The following TOMM40 variants were observed in gnomAD, a reference collection of about 807,000 sequenced individuals.
TOMM40 encodes translocase of outer mitochondrial membrane 40.
In TOMM40, 9 loss-of-function variants were observed where a neutral mutation model predicts 38.4. The observed-to-expected ratio is 0.23, with a 90% confidence interval of 0.14 to 0.41. TOMM40 has a LOEUF of 0.41. Among genes scored for constraint, TOMM40 ranks in the 10% least tolerant of loss-of-function variants. The pLI is 1.00. For missense variants in TOMM40, 299 were observed against 486.5 expected (o/e 0.61, Z 3.63); for synonymous variants, 184 against 210.0 (o/e 0.88, Z 1.07).
In TOMM40 at chr19:44,891,410, G is replaced by T. The variant is rs2122734410; in HGVS notation, c.-6G>T. 2 of 1,284,606 alleles carry T rather than the reference G, an allele frequency of 1.6e-6. No homozygotes were observed. The highest frequency in any genetic ancestry group is 3.1e-5 in the African/African-American group (2 of 65,030). The allele number at this position is 1,284,606 out of a possible 1,614,324, so 79.6% of individuals were successfully genotyped here. A position where few individuals can be genotyped will look rare whatever the true frequency, so the allele number is the denominator to read the frequency against. ...TGCCCTCTGACCTCTCCCCTAGCAG[G>T]CGACCATGGGGAACGTGTTGGCTGC... On this transcript the variant is annotated 5_prime_UTR_variant, in exon 1 of 9. Transcript: ENST00000426677.
Position 44,891,411 on chromosome 19 carries a change from C to A in TOMM40, c.-5C>A, listed in dbSNP as rs1234154087. Reference sequence around the variant, plus strand: ...GCCCTCTGACCTCTCCCCTAGCAGGCGACCATGGGGAACGTGTTGGCTGCC... The same window carrying A: ...GCCCTCTGACCTCTCCCCTAGCAGGAGACCATGGGGAACGTGTTGGCTGCC... On this transcript the variant is annotated 5_prime_UTR_variant, in exon 1 of 9. Coordinates refer to ENST00000426677, the MANE Select transcript of TOMM40 (RefSeq NM_001128917.2). 1 of 1,284,972 alleles carries A rather than the reference C, an allele frequency of 7.8e-7. No individual in the cohort carries two copies. 79.6% of individuals were successfully genotyped at this position (1,284,972 alleles called of 1,614,324 possible). A position where few individuals can be genotyped will look rare whatever the true frequency, so the allele number is the denominator to read the frequency against.
intron 1 of TOMM40, 109 bp downstream of exon 1, chr19:44,891,798 GC>G (rs1969472162): frequency 7.0e-6 from 8 of 1,146,824 alleles, no homozygotes; most frequent in Non-Finnish European, 9.1e-6. Context: ...TTATTTAACA[GC>G]ACTAGGAGGT....
chr19:44,901,336 G>C (rs1190283467), intron 8 of TOMM40, 26 bp downstream of exon 8: 2 of 1,603,872 alleles, frequency 1.2e-6, no homozygotes, highest in Admixed American at 3.4e-5. Flanking sequence ...CCCCTACGCG[G>C]GAAACAGGCA....
At chr19:44,902,800 G>T (rs1969706861) in intron 8 of TOMM40, 4 of 495,866 alleles carry the variant, frequency 8.1e-6, no homozygotes, top group Non-Finnish European at 1.4e-5. Flanking sequence ...GGAACCCAGG[G>T]GTCTAGAGGG....
At position 44,891,389 on chromosome 19, in the gene TOMM40, C is replaced by T. The variant is rs1447734268; in HGVS notation, c.-27C>T. On this transcript the variant is annotated 5_prime_UTR_variant, in exon 1 of 9. Coordinates refer to ENST00000426677, the MANE Select transcript of TOMM40 (RefSeq NM_001128917.2). ...GGGCGCGCGGGCCCTGACCTCTGCC[C>T]TCTGACCTCTCCCCTAGCAGGCGAC... 2 of 1,271,962 alleles carry T rather than the reference C, an allele frequency of 1.6e-6. No individual in the cohort carries two copies. Among genetic ancestry groups the T allele is most frequent in the Non-Finnish European group, 2.0e-6 (2 of 1,011,940 alleles). The allele number at this position is 1,271,962 out of a possible 1,614,324, so 78.8% of individuals were successfully genotyped here.
chr19:44,891,443 C>T lies in TOMM40; in HGVS notation c.28C>T (p.Pro10Ser). ...GGGGAACGTGTTGGCTGCCAGCTCG[C>T]CGCCCGCAGGGCCGCCACCGCCGCC... MGNVLAASS[P>S]PAGPPPPPAP... The change falls in exon 1 of 9, where the codon CCG becomes TCG. Residue 10 changes from proline to serine, a missense_variant. Physicochemically the swap from Pro to Ser is moderately conservative, Grantham distance 74. Coordinates refer to ENST00000426677, the MANE Select transcript of TOMM40 (RefSeq NM_001128917.2). 1 of 1,293,972 alleles carries T rather than the reference C, an allele frequency of 7.7e-7. No homozygotes were observed. 80.2% of individuals were successfully genotyped at this position (1,293,972 alleles called of 1,614,324 possible). A position where few individuals can be genotyped will look rare whatever the true frequency, so the allele number is the denominator to read the frequency against.
At position 44,892,473 on chromosome 19, in the gene TOMM40, G is replaced by A. The variant is rs769914447; in HGVS notation, c.342+13G>A. 4 of 1,611,644 alleles carry A rather than the reference G, an allele frequency of 2.5e-6. No individual in the cohort carries two copies. The highest frequency in any genetic ancestry group is 2.2e-4 in the Middle Eastern group (1 of 4,606). ...TAACCATTTTCAGGTGAGCCTTCCT[G>A]GTGTCCTTACCCACCAGAGATCGTC... is the stretch of plus-strand genomic sequence containing the variant. On this transcript the variant is annotated intron_variant, in intron 2 of 8. Coordinates refer to ENST00000426677, the MANE Select transcript of TOMM40 (RefSeq NM_001128917.2).
At chr19:44,901,510 A>G in intron 8 of TOMM40, 200 bp downstream of exon 8, 1 of 1,366,814 alleles carries the variant, frequency 7.3e-7, no homozygotes, top group Non-Finnish European at 9.7e-7. Context: ...TGGGAGGCCA[A>G]GGCGGGCCGA....
At chr19:44,898,517 T>TC (rs1969611619) in intron 5 of TOMM40, among the ~76,000 whole-genome samples, 1 of 137,918 alleles carries the variant, frequency 7.3e-6, no homozygotes, top group African/African-American at 2.8e-5. Flanking sequence ...GTTTCTTTTT[T>TC]TTTTTTTCTT....
chr19:44,901,382 C>A, intron 8 of TOMM40, 72 bp downstream of exon 8: 1 of 1,556,584 alleles, frequency 6.4e-7, no homozygotes, highest in Non-Finnish European at 8.7e-7. Flanking sequence ...GTGTGGGCCA[C>A]CACAGGTGCT....
At chr19:44,893,448 CTTCAGCAAATGTG>C (rs1969506150) in intron 3 of TOMM40, among the ~76,000 whole-genome samples, 1 of 152,224 alleles carries the variant, frequency 6.6e-6, no homozygotes, top group African/African-American at 2.4e-5. Context: ...TGTCATTTCC[CTTCAGCAAATGTG>C]TTTATTCTGC....
chr19:44,901,139 G>A, intron 7 of TOMM40, 35 bp downstream of exon 7: 1 of 1,613,916 alleles, frequency 6.2e-7, no homozygotes, highest in South Asian at 1.1e-5. Context: ...GTGCTGCCAG[G>A]GGCTGCTGGG....
At chr19:44,892,961 CCTT>C (rs778934950) in intron 3 of TOMM40, 32 bp downstream of exon 3, 8 of 1,573,414 alleles carry the variant, frequency 5.1e-6, no homozygotes, top group Non-Finnish European at 6.1e-6. Context: ...TTCATTGTAT[CCTT>C]CTAATAACAA....
At chr19:44,893,027 T>C (rs1969498132) in intron 3 of TOMM40, 98 bp downstream of exon 3, 2 of 965,074 alleles carry the variant, frequency 2.1e-6, no homozygotes, top group Admixed American at 4.9e-5. Context: ...AGGTCACAGC[T>C]ACCGAGAGCC....
intron 8 of TOMM40, chr19:44,901,692 G>A (rs543927984): frequency 1.6e-5 from 5 of 307,008 alleles, no homozygotes; most frequent in African/African-American, 4.3e-5. Context: ...AGCCGAGATC[G>A]TGCCACCGCA....
At position 44,894,346 on chromosome 19, in the gene TOMM40, C is replaced by G. The variant is rs554353370; in HGVS notation, c.643+280C>G. On this transcript the variant is annotated intron_variant, in intron 5 of 8. Transcript: ENST00000426677. ...GCACGATCTTGGCTCACTGCAACCT[C>G]CATCTCCTGGGTTCATGCAATTCTC... 4.5e-3 allele frequency among the ~76,000 whole-genome samples: 678 copies of G among 151,640 alleles called. 10 individuals are homozygous for G. The highest frequency in any genetic ancestry group is 0.016 in the African/African-American group (641 of 41,218).
At chr19:44,899,396 C>G (rs1433373507) in intron 5 of TOMM40, among the ~76,000 whole-genome samples, 1 of 152,078 alleles carries the variant, frequency 6.6e-6, no homozygotes, top group Non-Finnish European at 1.5e-5. Context: ...TGCAGTGGCA[C>G]TATCATGGCT....
At chr19:44,895,289 G>A (rs565953684) in intron 5 of TOMM40, among the ~76,000 whole-genome samples, 2 of 152,254 alleles carry the variant, frequency 1.3e-5, no homozygotes, top group South Asian at 2.1e-4. Flanking sequence ...GGGCTACCCC[G>A]GCTGGGGGAC....
rs1969456196 is a variant in TOMM40, at chr19:44,891,309, C to T, written c.-107C>T. ...GAGCCCAGGCCGGGAGCAGGCGCCG[C>T]CGCCAGTGAGAACCGGGGCCGGAGC... On this transcript the variant is annotated 5_prime_UTR_variant, in exon 1 of 9. Transcript: ENST00000426677. The T allele has an allele frequency of 2.5e-6, 3 of 1,204,280 alleles. No homozygotes were observed. The highest frequency in any genetic ancestry group is 3.1e-6 in the Non-Finnish European group (3 of 969,530). 74.6% of individuals were successfully genotyped at this position (1,204,280 alleles called of 1,614,324 possible).
Sources: gnomAD v4.1 joint callset for allele counts (sites outside exome capture counted in the v4.1 genomes callset) on GRCh38, gnomAD v4.1.1 for gene constraint, MANE v1.5 for transcripts, NCBI Gene and HGNC (gene_info 2026-07-23, HGNC 2026-07-21) for gene names.